The following C19orf47 variants were observed in gnomAD, a reference collection of about 807,000 sequenced individuals.
C19orf47 encodes uncharacterized protein C19orf47.
C19orf47 carries 18 observed loss-of-function variants against 32.3 expected under a neutral mutation model. The observed-to-expected ratio is 0.56, with a 90% CI of 0.39 to 0.83. The LOEUF (loss-of-function observed/expected upper bound fraction) is 0.83, where lower values mean the gene tolerates loss of function less well. Ranked by LOEUF, C19orf47 falls within the 40% of genes least tolerant of loss-of-function variation. The pLI is 0.00. For synonymous variants in C19orf47, 202 were observed against 211.1 expected, an observed-to-expected ratio of 0.96 and a Z score of 0.37; for missense variants, 484 against 531.6, an observed-to-expected ratio of 0.91 and a Z score of 0.88.
chr19:40,336,330 C>G lies in C19orf47; in HGVS notation c.97G>C (p.Val33Leu). Residue 33 changes from valine (V) to leucine (L), a missense_variant, in exon 3 of 9, where the codon GTG becomes CTG. Around this residue, in one of 3 missense-constraint regions of C19orf47, gnomAD observed 57 missense variants for 86.9 expected, o/e 0.66. Coordinates refer to ENST00000683109, the MANE Select transcript of C19orf47 (RefSeq NM_001256441.2). ...GTTCAGCCTCCTCACCTATTATCCA[C>G]AAACATCACGGCATAATTGACGGCA... Reference protein sequence around the residue: ...GPAVNYAVMFVDNRIQKSMLL... With the variant: ...GPAVNYAVMFLDNRIQKSMLL... The G allele has an allele frequency of 6.2e-7, 1 of 1,614,214 alleles. No homozygotes were observed. Among genetic ancestry groups the G allele is most frequent in the East Asian group, 2.2e-5 (1 of 44,884 alleles).
chr19:40,311,953 G>A, the C19orf47 span, among the ~76,000 whole-genome samples: 4 of 151,954 alleles, frequency 2.6e-5, no homozygotes, highest in South Asian at 2.1e-4. Context: ...CACCATGCCC[G>A]GCCCAATTTG....
intron 1 of C19orf47, among the ~76,000 whole-genome samples, chr19:40,346,777 C>T (rs1010106425): frequency 3.3e-5 from 5 of 152,006 alleles, no homozygotes; most frequent in Admixed American, 1.3e-4. Flanking sequence ...CCGCCCGTCT[C>T]GGCCTCCCAA....
intron 2 of C19orf47, among the ~76,000 whole-genome samples, chr19:40,337,188 C>T (rs2078081530): frequency 1.3e-5 from 2 of 152,034 alleles, no homozygotes; most frequent in African/African-American, 4.8e-5. Flanking sequence ...GTGATAACAG[C>T]CCCAATGTCC....
intron 6 of C19orf47, among the ~76,000 whole-genome samples, chr19:40,327,474 G>A (rs924061310): frequency 6.6e-6 from 1 of 152,058 alleles, no homozygotes; most frequent in Non-Finnish European, 1.5e-5. Flanking sequence ...TTTTTTGCTT[G>A]TGGCACACAA....
In C19orf47 at chr19:40,328,493, G is replaced by A; in HGVS notation, c.359C>T (p.Pro120Leu). The change falls in exon 6 of 9, where the codon CCC becomes CTC. Residue 120 changes from proline (P) to leucine (L), a missense_variant. Physicochemically the swap from Pro to Leu is moderately conservative, Grantham distance 98. Coordinates refer to ENST00000683109, the MANE Select transcript of C19orf47 (RefSeq NM_001256441.2). Reference protein sequence around the residue: ...LNHDSPPSTPPRRPDTSTSKI... With the variant: ...LNHDSPPSTPLRRPDTSTSKI... ...GGAGGTGCTGGTGTCCGGGCGCCTG[G>A]GGGGTGTGCTGGGTGGAGAGTCATG... The A allele has an allele frequency of 2.5e-6, 4 of 1,612,178 alleles. No homozygotes were observed. Among genetic ancestry groups the A allele is most frequent in the East Asian group, 2.2e-5 (1 of 44,642 alleles).
the C19orf47 span, among the ~76,000 whole-genome samples, chr19:40,308,498 C>G: frequency 2.2e-5 from 3 of 137,016 alleles, no homozygotes; most frequent in East Asian, 6.7e-4. Context: ...GAGTCTTGCT[C>G]TGTCACCCAG....
downstream of C19orf47, among the ~76,000 whole-genome samples, chr19:40,316,027 G>T (rs561066744): frequency 2.0e-4 from 31 of 151,972 alleles, no homozygotes; most frequent in South Asian, 5.8e-3. Flanking sequence ...GAGAGAGAGA[G>T]ATTTAGCCCT....
chr19:40,342,319 C>CA (rs556321003), intron 1 of C19orf47: 449 of 168,590 alleles, frequency 2.7e-3, no homozygotes, highest in Non-Finnish European at 4.2e-3. Context: ...GACCCTGTCT[C>CA]AAAAAAAAAG....
At chr19:40,326,131 C>A (rs2077823218) in intron 7 of C19orf47, among the ~76,000 whole-genome samples, 1 of 152,206 alleles carries the variant, frequency 6.6e-6, no homozygotes, top group Non-Finnish European at 1.5e-5. Context: ...AGGGGCCCAG[C>A]TACACTAACT....
In C19orf47 at chr19:40,322,331, C is replaced by T. The variant is rs147139853; in HGVS notation, c.709G>A (p.Glu237Lys). The T allele has an allele frequency of 6.3e-5, 101 of 1,602,776 alleles. No individual in the cohort carries two copies. In the African/African-American group the frequency reaches 7.3e-4, roughly 12 times the overall value. Reference sequence around the variant, plus strand: ...TTGTCGCTGTCCCAAGCCAGATCCTCGTCCGTTTCTGGGGTGGCCCCCAGG... The same window carrying T: ...TTGTCGCTGTCCCAAGCCAGATCCTTGTCCGTTTCTGGGGTGGCCCCCAGG... ...SRLGATPETD[E>K]DLAWDSDNDS... The change falls in exon 9 of 9, where the codon GAG (glutamate) becomes AAG (lysine). Residue 237 changes from glutamate (E) to lysine (K), a missense_variant. Glu to Lys is a moderately conservative substitution (Grantham distance 56). Around this residue, in one of 3 missense-constraint regions of C19orf47, gnomAD observed 376 missense variants for 370.2 expected, o/e 1.02. Transcript: ENST00000683109.
chr19:40,315,092 A>G (rs1463897873), downstream of C19orf47, among the ~76,000 whole-genome samples: 3 of 152,220 alleles, frequency 2.0e-5, no homozygotes, highest in Non-Finnish European at 4.4e-5. Flanking sequence ...ACTTGTCAAT[A>G]TAAATGTCTG....
the C19orf47 span, among the ~76,000 whole-genome samples, chr19:40,313,528 T>G: frequency 7.2e-5 from 11 of 152,180 alleles, no homozygotes; most frequent in Non-Finnish European, 1.6e-4. Flanking sequence ...TTTCACCATG[T>G]TGCCCAGTCT....
chr19:40,312,126 C>T, the C19orf47 span, among the ~76,000 whole-genome samples: 5 of 152,210 alleles, frequency 3.3e-5, no homozygotes, highest in African/African-American at 1.2e-4. Flanking sequence ...ATCCCACATG[C>T]TCTTCTTACA....
chr19:40,317,728 G>GTTTTTTTTTTGT (rs1555783710), downstream of C19orf47, among the ~76,000 whole-genome samples: 386 of 143,072 alleles, frequency 2.7e-3, no homozygotes, highest in Non-Finnish European at 4.4e-3. Flanking sequence ...TTTTTTTTTT[G>GTTTTTTTTTTGT]TTTTTTTTTT....
At position 40,344,851 on chromosome 19, in the gene C19orf47, A is replaced by G. The variant is rs574401409; in HGVS notation, c.-33-2961T>C. Reference sequence around the variant, plus strand: ...CACATCTCAGTCGCTCCTCACAACCACCCTCGGAAAGTTACAGATGAGAAT... The same window carrying G: ...CACATCTCAGTCGCTCCTCACAACCGCCCTCGGAAAGTTACAGATGAGAAT... On this transcript the variant is annotated intron_variant, in intron 1 of 8. Coordinates refer to ENST00000683109, the MANE Select transcript of C19orf47 (RefSeq NM_001256441.2). Among the ~76,000 whole-genome samples the G allele has an allele frequency of 7.2e-5, 11 of 152,128 alleles. No homozygotes were observed. The East Asian group carries it at 2.1e-3, about 29-fold the overall frequency.
At chr19:40,346,204 G>A (rs1008407034) in intron 1 of C19orf47, among the ~76,000 whole-genome samples, 2 of 147,468 alleles carry the variant, frequency 1.4e-5, no homozygotes, top group Non-Finnish European at 3.0e-5. Flanking sequence ...AGCACCTTGG[G>A]AGGCTGAGGC....
downstream of C19orf47, among the ~76,000 whole-genome samples, chr19:40,316,224 G>A (rs141938880): frequency 6.6e-6 from 1 of 152,342 alleles, no homozygotes; most frequent in East Asian, 1.9e-4. Flanking sequence ...AAGGGGGGCT[G>A]AGGCTGGCCC....
At chr19:40,293,550 C>G in the C19orf47 span, among the ~76,000 whole-genome samples, 1 of 151,944 alleles carries the variant, frequency 6.6e-6, no homozygotes, top group Non-Finnish European at 1.5e-5. Context: ...ACTGCAACCT[C>G]CGCTTCCCGG....
upstream of C19orf47, chr19:40,348,472 T>C: frequency 1.3e-6 from 2 of 1,498,218 alleles, no homozygotes; most frequent in East Asian, 2.8e-5. Context: ...GCGGCCGCTC[T>C]ACCCCAACAG....
Sources: gnomAD v4.1 joint callset for allele counts (sites outside exome capture counted in the v4.1 genomes callset) on GRCh38, gnomAD v4.1.1 for gene constraint, gnomAD v4.1.1 regional missense constraint, MANE v1.5 for transcripts, NCBI Gene and HGNC (gene_info 2026-07-23, HGNC 2026-07-21) for gene names.